DOCK2: variants seen among roughly 807,000 people sequenced by gnomAD.
The protein encoded by DOCK2 is dedicator of cytokinesis protein 2.
In DOCK2, 87 loss-of-function variants were observed where a neutral mutation model predicts 248.9. The ratio of observed to expected loss-of-function variants is 0.35; its 90% CI spans 0.29 to 0.42. The LOEUF (loss-of-function observed/expected upper bound fraction) is 0.42. Ranked by LOEUF, DOCK2 falls within the 10% of genes least tolerant of loss-of-function variation. The pLI, the probability that DOCK2 is intolerant of heterozygous loss-of-function variation, is 1.00. For synonymous variants in DOCK2, 805 were observed against 821.6 expected (o/e 0.98, Z 0.35); for missense variants, 1,747 against 2,300.2 (o/e 0.76, Z 4.92).
At position 169,725,837 on chromosome 5, in the gene DOCK2, C is replaced by G. The variant is rs1196930084; in HGVS notation, c.2267+7046C>G. On this transcript the variant is annotated intron_variant, in intron 22 of 51. Transcript: ENST00000520908. ...CATGTCCCTGCAAAGGACATGAACT[C>G]ATCCTTTTTTATGGCTGCATAGTAT... Among the ~76,000 whole-genome samples, 4 of 152,156 alleles carry G rather than the reference C, an allele frequency of 2.6e-5. No homozygotes were observed. In the East Asian group the frequency reaches 5.8e-4, roughly 22 times the overall value.
chr5:170,081,872 G>T lies in DOCK2; in HGVS notation c.5318G>T (p.Gly1773Val). ...ALALSVAGIP[G>V]LDEANTSPRL... ...GCGCTCTCAGTGGCAGGCATCCCTG[G>T]GTTGGATGAGGCCAACACATCTCCC... Residue 1773 changes from glycine (G) to valine (V), a missense_variant, in exon 51 of 52, where the codon GGG becomes GTG. By Grantham distance (109) the Gly-to-Val change is moderately radical. Transcript: ENST00000520908. 1 of 1,613,464 alleles carries T rather than the reference G, an allele frequency of 6.2e-7. No individual in the cohort carries two copies. The highest frequency in any genetic ancestry group is 8.5e-7 in the Non-Finnish European group (1 of 1,179,904).
At chr5:169,809,075 T>G (rs918717449) in intron 26 of DOCK2, among the ~76,000 whole-genome samples, 42 of 151,958 alleles carry the variant, frequency 2.8e-4, no homozygotes, top group African/African-American at 8.2e-4. Flanking sequence ...GACTGCAACC[T>G]CCACCTCCTG....
In DOCK2 at chr5:169,712,156, A is replaced by G. The variant is rs2113526858; in HGVS notation, c.1592A>G (p.Tyr531Cys). 6.2e-7 allele frequency: 1 copy of G among 1,614,110 alleles called. No individual in the cohort carries two copies. Among genetic ancestry groups the G allele is most frequent in the Non-Finnish European group, 8.5e-7 (1 of 1,179,962 alleles). Residue 531 changes from tyrosine (Y) to cysteine (C), a missense_variant, in exon 17 of 52, where the codon TAT becomes TGT. Tyr to Cys is a radical substitution (Grantham distance 194). Transcript: ENST00000520908. ...GGAGAAAAGAACTTTGCCATGTCCT[A>G]TGTGAAGCTGATGAAAGAAGATGGG... ...DKGEKNFAMS[Y>C]VKLMKEDGTT...
intron 27 of DOCK2, among the ~76,000 whole-genome samples, chr5:169,979,875 C>A (rs920415996): frequency 5.3e-5 from 8 of 152,070 alleles, no homozygotes; most frequent in African/African-American, 1.9e-4. Flanking sequence ...CATAAAACAG[C>A]CACTCTCTCT....
Position 169,675,522 on chromosome 5 carries a change from G to A in DOCK2, c.470+1077G>A, listed in dbSNP as rs189991523. On this transcript the variant is annotated intron_variant, in intron 6 of 51. Coordinates refer to ENST00000520908, the MANE Select transcript of DOCK2 (RefSeq NM_004946.3). ...TGCTGATATGTACTGTGAGAAGTTC[G>A]ATAGCTCAGGAAGCAAGAGTTACTT... 1.4e-3 allele frequency among the ~76,000 whole-genome samples: 219 copies of A among 152,288 alleles called. 1 individual carries two copies. Among genetic ancestry groups the A allele is most frequent in the African/African-American group, 5.1e-3 (210 of 41,560 alleles).
At chr5:169,691,801 G>A (rs1483850505) in intron 9 of DOCK2, among the ~76,000 whole-genome samples, 1 of 151,840 alleles carries the variant, frequency 6.6e-6, no homozygotes, top group Non-Finnish European at 1.5e-5. Flanking sequence ...TGTGGGTCCA[G>A]CTGACTGTTG....
intron 27 of DOCK2, among the ~76,000 whole-genome samples, chr5:169,911,617 A>G (rs1774604754): frequency 6.6e-6 from 1 of 152,228 alleles, no homozygotes; most frequent in Non-Finnish European, 1.5e-5. Flanking sequence ...GTGGTGCTAA[A>G]TCAATACTCA....
intron 33 of DOCK2, among the ~76,000 whole-genome samples, chr5:170,021,997 G>A (rs1219356423): frequency 1.3e-5 from 2 of 152,324 alleles, no homozygotes; most frequent in East Asian, 3.9e-4. Context: ...AGACCACATT[G>A]TTCCCTCTCT....
intron 44 of DOCK2, among the ~76,000 whole-genome samples, chr5:170,062,644 TG>T (rs908502154): frequency 2.6e-5 from 4 of 152,190 alleles, no homozygotes; most frequent in African/African-American, 9.7e-5. Flanking sequence ...AGGTTCTTCA[TG>T]GGTTGGCTCT....
At chr5:169,953,348 AGAG>A (rs1484703456) in intron 27 of DOCK2, among the ~76,000 whole-genome samples, 3 of 130,690 alleles carry the variant, frequency 2.3e-5, no homozygotes, top group African/African-American at 8.4e-5. Flanking sequence ...AAAAAAAAAA[AGAG>A]AGAGAGAGAG....
chr5:169,681,666 C>T (rs1759677406), intron 6 of DOCK2, 78 bp from the exon 7 acceptor site: 1 of 1,554,854 alleles, frequency 6.4e-7, no homozygotes, highest in Admixed American at 1.8e-5. Flanking sequence ...ATCAGCTGAA[C>T]TTTCTGGTAA....
At chr5:169,810,989 TCACACACACACACA>T (rs55987604) in intron 26 of DOCK2, among the ~76,000 whole-genome samples, 2 of 97,218 alleles carry the variant, frequency 2.1e-5, no homozygotes, top group East Asian at 3.0e-4. Context: ...TCTCTCTCTC[TCACACACACACACA>T]CACACACACA....
At chr5:169,752,047 A>G (rs192163336) in intron 23 of DOCK2, among the ~76,000 whole-genome samples, 2 of 152,340 alleles carry the variant, frequency 1.3e-5, no homozygotes, top group Admixed American at 1.3e-4. Context: ...TGTTTTCAAC[A>G]ATGGACCACA....
At chr5:170,050,232 C>CT in intron 40 of DOCK2, 24 bp from the exon 41 acceptor site, 6 of 1,611,778 alleles carry the variant, frequency 3.7e-6, no homozygotes, top group Non-Finnish European at 5.1e-6. Context: ...CCCCAAATCT[C>CT]TAATGAGCAT....
intron 1 of DOCK2, among the ~76,000 whole-genome samples, chr5:169,652,117 G>A (rs1757841480): frequency 6.6e-6 from 1 of 152,230 alleles, no homozygotes; most frequent in South Asian, 2.1e-4. Context: ...GAGGAACTGA[G>A]GCTTAGGGAG....
intron 25 of DOCK2, among the ~76,000 whole-genome samples, chr5:169,781,206 A>G (rs549321999): frequency 6.6e-6 from 1 of 152,350 alleles, no homozygotes; most frequent in South Asian, 2.1e-4. Context: ...GAGTACCTGG[A>G]GAAAATCCAC....
chr5:169,746,660 T>A (rs973186270), intron 22 of DOCK2, among the ~76,000 whole-genome samples: 3 of 152,198 alleles, frequency 2.0e-5, no homozygotes, highest in South Asian at 2.1e-4. Context: ...AAGGGGTTGA[T>A]AACAGGCAGG....
chr5:170,015,937 T>C (rs570074294), intron 32 of DOCK2, among the ~76,000 whole-genome samples: 1 of 150,040 alleles, frequency 6.7e-6, no homozygotes, highest in Admixed American at 6.6e-5. Flanking sequence ...CTTCCTTCCC[T>C]CCTTCCTTCT....
At chr5:169,641,105 G>A (rs1429949340) in intron 1 of DOCK2, among the ~76,000 whole-genome samples, 3 of 152,160 alleles carry the variant, frequency 2.0e-5, no homozygotes, top group Admixed American at 1.3e-4. Context: ...CATTGTGTGC[G>A]TGTCTGTCTC....
Sources: allele counts gnomAD v4.1 joint callset (sites outside exome capture counted in the v4.1 genomes callset), GRCh38; gene constraint gnomAD v4.1.1; transcripts MANE v1.5; gene names NCBI Gene and HGNC (gene_info 2026-07-23, HGNC 2026-07-21).